The following TRMT11 variants were observed in gnomAD, a reference collection of about 807,000 sequenced individuals.
The protein encoded by TRMT11 is tRNA methyltransferase 11.
In TRMT11, 53 loss-of-function variants were observed where a neutral mutation model predicts 62.8. The observed-to-expected ratio is 0.84, with a 90% CI of 0.68 to 1.06. TRMT11 has a LOEUF of 1.06. Among genes scored for constraint, TRMT11 ranks in the 50% least tolerant of loss-of-function variants. The pLI is 0.00. For missense variants in TRMT11, 556 were observed against 553.4 expected (o/e 1.00, Z -0.05); for synonymous variants, 188 against 190.3 (o/e 0.99, Z 0.10).
chr6:126,110,332 C>T (rs2128187065), intron 17 of TRMT11, among the ~76,000 whole-genome samples: 1 of 152,174 alleles, frequency 6.6e-6, no homozygotes, highest in Middle Eastern at 3.4e-3. Context: ...TATCTTAAGA[C>T]TGAGAAATAT....
chr6:126,201,143 G>T (rs977696701), intron 3 of TRMT11, among the ~76,000 whole-genome samples: 2 of 152,136 alleles, frequency 1.3e-5, no homozygotes, highest in Non-Finnish European at 2.9e-5. Flanking sequence ...CAGTCTCCTT[G>T]GTTACTGCAT....
the TRMT11 span, among the ~76,000 whole-genome samples, chr6:126,248,365 G>A: frequency 1.3e-5 from 2 of 152,052 alleles, no homozygotes; most frequent in Non-Finnish European, 2.9e-5. Context: ...GGAACAAGAA[G>A]TCAGCAACTT....
chr6:126,163,437 C>T (rs1009513593), intron 21 of TRMT11, among the ~76,000 whole-genome samples: 1 of 152,142 alleles, frequency 6.6e-6, no homozygotes, highest in African/African-American at 2.4e-5. Context: ...TTTTAATGTG[C>T]TGCTGGATTT....
chr6:126,130,885 A>G (rs1486934482), intron 21 of TRMT11, among the ~76,000 whole-genome samples: 1 of 152,144 alleles, frequency 6.6e-6, no homozygotes, highest in Non-Finnish European at 1.5e-5. Context: ...GCTCCTCCAC[A>G]TAAGAAAGGT....
chr6:126,012,712 C>T, intron 9 of TRMT11, 59 bp from the exon 10 acceptor site: 1 of 1,312,020 alleles, frequency 7.6e-7, no homozygotes. Flanking sequence ...TGGCTGTTTG[C>T]CCTTGATCCA....
intron 16 of TRMT11, among the ~76,000 whole-genome samples, chr6:126,049,772 TGTG>T (rs1242356763): frequency 6.6e-6 from 1 of 152,246 alleles, no homozygotes; most frequent in African/African-American, 2.4e-5. Flanking sequence ...TCACAGAAGA[TGTG>T]GTGCTTAAGC....
intron 21 of TRMT11, among the ~76,000 whole-genome samples, chr6:126,166,363 G>T (rs981330900): frequency 6.6e-6 from 1 of 151,856 alleles, no homozygotes; most frequent in Admixed American, 6.6e-5. Flanking sequence ...ATTCCTTTCT[G>T]TTTTTTTTCC....
In TRMT11 at chr6:126,195,742, T is replaced by C. The variant is rs187342896; in HGVS notation, n.144-3057T>C. On this transcript the variant is annotated intron_variant and non_coding_transcript_variant, in intron 1 of 3. Coordinates refer to the TRMT11 transcript ENST00000444229. ...TTGGTCTAAACCAATCATGGTTGTT[T>C]CCCTTATTTGGGATTGGCTTAGGCA... Among the ~76,000 whole-genome samples the C allele has an allele frequency of 5.3e-3, 807 of 152,312 alleles. 8 individuals are homozygous for C. The highest frequency in any genetic ancestry group is 0.017 in the African/African-American group (727 of 41,564).
At chr6:126,237,774 C>T in the TRMT11 span, among the ~76,000 whole-genome samples, 2 of 152,198 alleles carry the variant, frequency 1.3e-5, no homozygotes, top group Non-Finnish European at 1.5e-5. Flanking sequence ...GGAAGATTAT[C>T]TGCTCAAATA....
chr6:126,053,570 C>A (rs1196397340), intron 17 of TRMT11, among the ~76,000 whole-genome samples: 4 of 152,162 alleles, frequency 2.6e-5, no homozygotes. Flanking sequence ...ACTAGCTAAT[C>A]CTATGCCTGC....
intron 21 of TRMT11, among the ~76,000 whole-genome samples, chr6:126,158,161 C>G (rs1778142780): frequency 6.6e-6 from 1 of 152,122 alleles, no homozygotes; most frequent in Non-Finnish European, 1.5e-5. Flanking sequence ...AAGTCCACTC[C>G]TACACATTGT....
chr6:126,201,427 T>A (rs1778733483), intron 3 of TRMT11, among the ~76,000 whole-genome samples: 2 of 152,224 alleles, frequency 1.3e-5, no homozygotes, highest in African/African-American at 4.8e-5. Context: ...ATGCTGCCTG[T>A]TTTATCCTAC....
Position 126,047,512 on chromosome 6 carries a change from C to T in TRMT11, c.*1370-5611C>T, listed in dbSNP as rs558611177. On this transcript the variant is annotated intron_variant and NMD_transcript_variant, in intron 16 of 22. Transcript: ENST00000648977. ...CACCTCTACCACTCAGTTAAAGCCC[C>T]GTATTCACCATCCTTCAAGTTTGTG... Among the ~76,000 whole-genome samples, 141 of 152,098 alleles carry T rather than the reference C, an allele frequency of 9.3e-4. 1 individual carries two copies. Among genetic ancestry groups the T allele is most frequent in the African/African-American group, 3.3e-3 (136 of 41,510 alleles).
At chr6:126,188,971 TA>T (rs902189353) in intron 1 of TRMT11, among the ~76,000 whole-genome samples, 1 of 152,090 alleles carries the variant, frequency 6.6e-6, no homozygotes, top group Admixed American at 6.6e-5. Context: ...AAGAAAAGGG[TA>T]AAAGCAATGA....
the TRMT11 span, among the ~76,000 whole-genome samples, chr6:126,231,504 C>T: frequency 4.6e-5 from 7 of 152,128 alleles, no homozygotes; most frequent in Non-Finnish European, 7.4e-5. Flanking sequence ...CTAAAGCTTC[C>T]GGTCAACAGT....
rs768010001 is a variant in TRMT11 at position 125,998,332 on chromosome 6, A to G, written c.387+17A>G. ...CGAATAGATGTAAGTAAATTTAGCA[A>G]AACAAAAAACCTACATGATGAATGC... is the stretch of plus-strand genomic sequence containing the variant. On this transcript the variant is annotated intron_variant, in intron 5 of 12. Transcript: ENST00000334379. 1 of 1,522,608 alleles carries G rather than the reference A, an allele frequency of 6.6e-7. No homozygotes were observed. Among genetic ancestry groups the G allele is most frequent in the Non-Finnish European group, 9.0e-7 (1 of 1,105,366 alleles). 94.3% of individuals were successfully genotyped at this position (1,522,608 alleles called of 1,614,324 possible). A position where few individuals can be genotyped will look rare whatever the true frequency, so the allele number is the denominator to read the frequency against.
At chr6:126,143,891 G>A (rs1483919321) in intron 21 of TRMT11, among the ~76,000 whole-genome samples, 2 of 152,160 alleles carry the variant, frequency 1.3e-5, no homozygotes, top group Non-Finnish European at 2.9e-5. Flanking sequence ...TTGACTCACT[G>A]TGATCTGAAT....
intron 21 of TRMT11, among the ~76,000 whole-genome samples, chr6:126,133,895 TA>T (rs1030991716): frequency 3.4e-4 from 51 of 148,476 alleles, no homozygotes; most frequent in African/African-American, 1.0e-3. Context: ...CCTTTCTCAA[TA>T]AAAAAAAAAT....
intron 7 of TRMT11, chr6:126,006,788 G>A (rs9385391): frequency 0.71 from 107,769 of 151,792 alleles, 38,829 homozygotes; most frequent in East Asian, 0.95. Flanking sequence ...AAAGCTTAAA[G>A]GGCACGAAGT....
Sources: allele counts gnomAD v4.1 joint callset (sites outside exome capture counted in the v4.1 genomes callset), GRCh38; gene constraint gnomAD v4.1.1; transcripts MANE v1.5; gene names NCBI Gene and HGNC (gene_info 2026-07-23, HGNC 2026-07-21).